The following ADAMTSL1 variants were observed in gnomAD, a reference collection of about 807,000 sequenced individuals.
ADAMTSL1 encodes the protein ADAMTS like 1.
A neutral mutation model predicts 201.8 loss-of-function variants in ADAMTSL1; 126 were observed. That is an observed-to-expected ratio of 0.62 (90% CI 0.54 to 0.72). The LOEUF is 0.72. Among genes scored for constraint, ADAMTSL1 ranks in the 30% least tolerant of loss-of-function variants. The probability of loss-of-function intolerance (pLI) is 0.00; values close to 1 mark genes in which losing one functional copy is unlikely to be tolerated. For synonymous variants in ADAMTSL1, 1,121 were observed against 903.4 expected, an observed-to-expected ratio of 1.24 and a Z score of -4.32; for missense variants, 2,679 against 2,277.8, an observed-to-expected ratio of 1.18 and a Z score of -3.59.
chr9:18,441,745 G>A (rs1399689034), intron 2 of ADAMTSL1, among the ~76,000 whole-genome samples: 1 of 152,074 alleles, frequency 6.6e-6, no homozygotes, highest in African/African-American at 2.4e-5. Flanking sequence ...TGTCCCAGGA[G>A]GCAGAGAATG....
chr9:18,055,727 G>A (rs1822153207), intron 1 of ADAMTSL1, among the ~76,000 whole-genome samples: 1 of 152,194 alleles, frequency 6.6e-6, no homozygotes, highest in South Asian at 2.1e-4. Flanking sequence ...CATGCCTCCA[G>A]CAGTTTAGGA....
chr9:18,537,863 G>A (rs1189276758), intron 3 of ADAMTSL1, among the ~76,000 whole-genome samples: 2 of 139,596 alleles, frequency 1.4e-5, no homozygotes. Context: ...GACAGAGCAA[G>A]ACCTTGTCTC....
chr9:17,955,583 G>T (rs1020747787), intron 1 of ADAMTSL1, among the ~76,000 whole-genome samples: 1 of 152,156 alleles, frequency 6.6e-6, no homozygotes, highest in African/African-American at 2.4e-5. Flanking sequence ...CCACTTCTGA[G>T]TAGCATGATG....
chr9:18,335,840 T>A (rs967177905), intron 2 of ADAMTSL1, among the ~76,000 whole-genome samples: 1 of 152,188 alleles, frequency 6.6e-6, no homozygotes, highest in East Asian at 1.9e-4. Flanking sequence ...GATAATTGAA[T>A]ATTTGAATGT....
chr9:18,399,939 A>AT (rs1326360318), intron 2 of ADAMTSL1, among the ~76,000 whole-genome samples: 3 of 152,138 alleles, frequency 2.0e-5, no homozygotes, highest in African/African-American at 4.8e-5. Context: ...AAAAACCACA[A>AT]TAACAACAAC....
intron 2 of ADAMTSL1, among the ~76,000 whole-genome samples, chr9:18,380,179 CT>C (rs1166303445): frequency 6.6e-6 from 1 of 152,076 alleles, no homozygotes; most frequent in Non-Finnish European, 1.5e-5. Flanking sequence ...ATTCCCTAAG[CT>C]TTTCTTTTAA....
rs180716044 is a variant in ADAMTSL1, at chr9:18,613,541, A to G, written c.475-8702A>G. Reference sequence around the variant, plus strand: ...GGAATATTATGCAGCCACAAAAAAGAATGAGATTATGTCCTTTGCAGGGAC... The same window carrying G: ...GGAATATTATGCAGCCACAAAAAAGGATGAGATTATGTCCTTTGCAGGGAC... On this transcript the variant is annotated intron_variant, in intron 4 of 28. Transcript: ENST00000380548. Among the ~76,000 whole-genome samples the G allele has an allele frequency of 2.6e-5, 4 of 152,334 alleles. No individual in the cohort carries two copies. In the East Asian group the frequency reaches 7.7e-4, roughly 29 times the overall value.
intron 23 of ADAMTSL1, among the ~76,000 whole-genome samples, chr9:18,849,381 T>C (rs1051656766): frequency 1.3e-5 from 2 of 152,214 alleles, no homozygotes; most frequent in African/African-American, 4.8e-5. Context: ...GATCCAATTA[T>C]GTGATAATGC....
chr9:18,277,702 T>G (rs1055005222), intron 2 of ADAMTSL1, among the ~76,000 whole-genome samples: 2 of 152,178 alleles, frequency 1.3e-5, no homozygotes, highest in African/African-American at 2.4e-5. Flanking sequence ...CAAAATACAG[T>G]TAGAACTTTT....
intron 4 of ADAMTSL1, among the ~76,000 whole-genome samples, chr9:18,619,527 G>A (rs1022526837): frequency 1.1e-4 from 17 of 152,138 alleles, no homozygotes; most frequent in African/African-American, 3.9e-4. Flanking sequence ...CACACTGATA[G>A]CACTAAGTCA....
rs139584061 is a variant in ADAMTSL1, at chr9:18,171,451, T to G, written c.207+7470T>G. On this transcript the variant is annotated intron_variant, in intron 2 of 29. Transcript: ENST00000680146. ...ATTAACATTTTAATGGCATAGAAAT[T>G]TAATATGCTTTAACATTCCATAAAC... Among the ~76,000 whole-genome samples, 9 of 152,150 alleles carry G rather than the reference T, an allele frequency of 5.9e-5. No individual in the cohort carries two copies. In the East Asian group the frequency reaches 1.6e-3, roughly 26 times the overall value.
At chr9:18,139,513 C>A (rs1403134028) in intron 1 of ADAMTSL1, among the ~76,000 whole-genome samples, 2 of 152,130 alleles carry the variant, frequency 1.3e-5, no homozygotes, top group Non-Finnish European at 2.9e-5. Flanking sequence ...ATTCTGATAA[C>A]CCCTGAGAAA....
At chr9:18,795,244 C>T (rs1308368658) in intron 19 of ADAMTSL1, among the ~76,000 whole-genome samples, 153 bp from the exon 20 acceptor site, 1 of 152,188 alleles carries the variant, frequency 6.6e-6, no homozygotes, top group Non-Finnish European at 1.5e-5. Flanking sequence ...CAAGAGAGCA[C>T]AGGTTCTTGA....
upstream of ADAMTSL1, among the ~76,000 whole-genome samples, chr9:18,473,248 A>G (rs1268391211): frequency 6.6e-6 from 1 of 152,184 alleles, no homozygotes; most frequent in Non-Finnish European, 1.5e-5. Flanking sequence ...TTAACTGAGG[A>G]TTTAATTCAT....
At chr9:18,008,379 A>G (rs1294224098) in intron 1 of ADAMTSL1, among the ~76,000 whole-genome samples, 1 of 151,718 alleles carries the variant, frequency 6.6e-6, no homozygotes, top group Non-Finnish European at 1.5e-5. Flanking sequence ...AGATCCCAAT[A>G]CTCTTGGCAT....
intron 16 of ADAMTSL1, among the ~76,000 whole-genome samples, chr9:18,757,582 C>T (rs889873446): frequency 6.6e-6 from 1 of 152,084 alleles, no homozygotes; most frequent in Non-Finnish European, 1.5e-5. Context: ...TGCTTGTATA[C>T]TCCCCTGCCC....
intron 2 of ADAMTSL1, among the ~76,000 whole-genome samples, chr9:18,224,263 C>A (rs982926661): frequency 1.3e-5 from 2 of 152,100 alleles, no homozygotes; most frequent in Non-Finnish European, 2.9e-5. Context: ...CCAGCAGGTT[C>A]GGTGTCTGGT....
chr9:18,350,415 G>T (rs982785755), intron 2 of ADAMTSL1, among the ~76,000 whole-genome samples: 2 of 152,182 alleles, frequency 1.3e-5, no homozygotes, highest in Admixed American at 6.5e-5. Context: ...ATGTCGAAAT[G>T]TGAAGCCGGT....
intron 1 of ADAMTSL1, among the ~76,000 whole-genome samples, chr9:17,921,552 T>C (rs1826299372): frequency 1.3e-5 from 2 of 152,234 alleles, no homozygotes; most frequent in South Asian, 4.1e-4. Flanking sequence ...CTATTTATTC[T>C]CTTTAATTTC....
Sources: gnomAD v4.1 joint callset for allele counts (sites outside exome capture counted in the v4.1 genomes callset) on GRCh38, gnomAD v4.1.1 for gene constraint, MANE v1.5 for transcripts, NCBI Gene and HGNC (gene_info 2026-07-23, HGNC 2026-07-21) for gene names.